ZNF831: variants seen among roughly 807,000 people sequenced by gnomAD.
The protein encoded by ZNF831 is zinc finger protein 831.
ZNF831 carries 59 observed loss-of-function variants against 95.8 expected under a neutral mutation model. The observed-to-expected ratio is 0.62, with a 90% CI of 0.50 to 0.77. The LOEUF is 0.77. Ranked by LOEUF, ZNF831 falls within the 30% of genes least tolerant of loss-of-function variation. ZNF831 has a pLI of 0.00. For synonymous variants in ZNF831, 961 were observed against 925.5 expected, an observed-to-expected ratio of 1.04 and a Z score of -0.70; for missense variants, 2,205 against 2,164.0, an observed-to-expected ratio of 1.02 and a Z score of -0.38.
chr20:59,219,198 A>G (rs259987), intron 4 of ZNF831, among the ~76,000 whole-genome samples: 12,933 of 152,124 alleles, frequency 0.085, 1,233 homozygotes, highest in African/African-American at 0.23. Flanking sequence ...TTGAAGCCCC[A>G]TGAGAGGAGA....
rs1398530461 is a variant in ZNF831, at chr20:59,191,939, C to G, written c.920C>G (p.Pro307Arg). The G allele has an allele frequency of 2.5e-6, 4 of 1,609,582 alleles. No individual in the cohort carries two copies. The highest frequency in any genetic ancestry group is 2.5e-6 in the Non-Finnish European group (3 of 1,178,670). The part of the protein sequence containing the change: ...PWRKLPEQKS[P>R]TAGKPCALQR... ...CGTAAGTTGCCAGAGCAGAAGTCGC[C>G]GACCGCCGGGAAGCCGTGCGCCCTG... The change falls in exon 2 of 6, where the codon CCG (proline) becomes CGG (arginine). Residue 307 changes from proline (P) to arginine (R), a missense_variant. Physicochemically the swap from Pro to Arg is moderately radical, Grantham distance 103. Coordinates refer to ENST00000371030, the MANE Select transcript of ZNF831 (RefSeq NM_178457.3).
At position 59,212,723 on chromosome 20, in the gene ZNF831, T is replaced by C. The variant is rs79853524; in HGVS notation, c.4027+5667T>C. 8.0e-3 allele frequency among the ~76,000 whole-genome samples: 1,211 copies of C among 152,288 alleles called. 14 individuals carry two copies. The highest frequency in any genetic ancestry group is 0.028 in the African/African-American group (1,158 of 41,550). On this transcript the variant is annotated intron_variant, in intron 4 of 5. Coordinates refer to ENST00000371030, the MANE Select transcript of ZNF831 (RefSeq NM_178457.3). ...TCTACCTTATAATCCAGATGTTCTT[T>C]ATGGAGCACTCCAGTCATAAGGTTG...
chr20:59,231,787 A>G (rs1174672477), intron 4 of ZNF831, among the ~76,000 whole-genome samples: 1 of 152,170 alleles, frequency 6.6e-6, no homozygotes, highest in African/African-American at 2.4e-5. Context: ...CAAGGCAGCT[A>G]TGGGTGCTGC....
At chr20:59,129,150 G>T (rs1387901136) in intron 1 of ZNF831, among the ~76,000 whole-genome samples, 1 of 152,204 alleles carries the variant, frequency 6.6e-6, no homozygotes, top group Admixed American at 6.5e-5. Flanking sequence ...TCTACTGATA[G>T]CACCTTATGG....
intron 1 of ZNF831, among the ~76,000 whole-genome samples, chr20:59,186,291 C>T (rs1983027994): frequency 6.6e-6 from 1 of 152,082 alleles, no homozygotes; most frequent in Non-Finnish European, 1.5e-5. Context: ...GAACCCACCC[C>T]GAGACAGCAT....
intron 4 of ZNF831, among the ~76,000 whole-genome samples, chr20:59,215,103 A>ACAAG (rs1397140957): frequency 1.3e-5 from 2 of 152,234 alleles, no homozygotes; most frequent in African/African-American, 4.8e-5. Flanking sequence ...TGTTCTATTT[A>ACAAG]CTCGAATGCT....
At chr20:59,187,092 G>A (rs113854179) in intron 1 of ZNF831, among the ~76,000 whole-genome samples, 15 of 152,202 alleles carry the variant, frequency 9.9e-5, no homozygotes, top group African/African-American at 1.7e-4. Context: ...GCCAGGAAGC[G>A]TTCCCACCAC....
intron 2 of ZNF831, among the ~76,000 whole-genome samples, chr20:59,147,885 C>T (rs965783292): frequency 6.6e-6 from 1 of 152,216 alleles, no homozygotes; most frequent in South Asian, 2.1e-4. Context: ...TGATTGTACG[C>T]ATGAAGCCTT....
chr20:59,196,107 T>G, intron 3 of ZNF831, 102 bp downstream of exon 3: 1 of 1,478,232 alleles, frequency 6.8e-7, no homozygotes, highest in Non-Finnish European at 9.1e-7. Context: ...AGTTCCTGTT[T>G]CCTAGGGTTT....
chr20:59,133,819 C>T (rs144852343), intron 1 of ZNF831, among the ~76,000 whole-genome samples: 128 of 152,312 alleles, frequency 8.4e-4, no homozygotes, highest in African/African-American at 3.0e-3. Flanking sequence ...CATGCCTCCC[C>T]CTGGCTCTCT....
At chr20:59,203,416 C>T (rs886535033) in intron 3 of ZNF831, among the ~76,000 whole-genome samples, 20 of 152,178 alleles carry the variant, frequency 1.3e-4, no homozygotes, top group Admixed American at 9.8e-4. Context: ...CTCCTGGCCT[C>T]AGTGGTCTTC....
chr20:59,237,167 T>C (rs1987042425), intron 4 of ZNF831, among the ~76,000 whole-genome samples: 2 of 152,174 alleles, frequency 1.3e-5, no homozygotes, highest in Admixed American at 1.3e-4. Context: ...TAGGGGGCCA[T>C]TTGGGGAAGA....
At position 59,191,978 on chromosome 20, in the gene ZNF831, C is replaced by G. The variant is rs765482514; in HGVS notation, c.959C>G (p.Ala320Gly). Reference sequence around the variant, plus strand: ...CCGTGCGCCCTGCAGCGGCAGCAGGCGACGGCAGCGGAGAAGCCCTGGGAT... The same window carrying G: ...CCGTGCGCCCTGCAGCGGCAGCAGGGGACGGCAGCGGAGAAGCCCTGGGAT... ...GKPCALQRQQ[A>G]TAAEKPWDAK... Residue 320 changes from alanine (A) to glycine (G), a missense_variant, in exon 2 of 6, where the codon GCG becomes GGG. By Grantham distance (60) the Ala-to-Gly change is moderately conservative. Coordinates refer to ENST00000371030, the MANE Select transcript of ZNF831 (RefSeq NM_178457.3). 1.9e-6 allele frequency: 3 copies of G among 1,605,964 alleles called. No individual in the cohort carries two copies. Among genetic ancestry groups the G allele is most frequent in the Admixed American group, 1.7e-5 (1 of 59,326 alleles).
intron 4 of ZNF831, among the ~76,000 whole-genome samples, chr20:59,222,424 C>A (rs1028253408): frequency 6.6e-6 from 1 of 152,110 alleles, no homozygotes; most frequent in Admixed American, 6.5e-5. Context: ...CGGGCCCCCT[C>A]CGCCCCCGCC....
At chr20:59,235,699 C>T (rs112973153) in intron 4 of ZNF831, among the ~76,000 whole-genome samples, 2,273 of 152,114 alleles carry the variant, frequency 0.015, 36 homozygotes, top group Middle Eastern at 0.068. Context: ...AAAAAAGAAC[C>T]GTAGGGTAGA....
chr20:59,241,774 C>T (rs1987351906), intron 4 of ZNF831, among the ~76,000 whole-genome samples: 1 of 152,092 alleles, frequency 6.6e-6, no homozygotes, highest in Non-Finnish European at 1.5e-5. Flanking sequence ...TTGACTGTTC[C>T]TTTAGTATTG....
chr20:59,251,876 A>G (rs1264723687), intron 4 of ZNF831, among the ~76,000 whole-genome samples: 3 of 152,236 alleles, frequency 2.0e-5, no homozygotes, highest in Non-Finnish European at 4.4e-5. Flanking sequence ...ATACTACAAG[A>G]TTCAGTGCTG....
At chr20:59,243,488 G>A (rs969381276) in intron 4 of ZNF831, among the ~76,000 whole-genome samples, 11 of 152,134 alleles carry the variant, frequency 7.2e-5, no homozygotes, top group African/African-American at 2.7e-4. Flanking sequence ...GTAGACAGAG[G>A]GAGGTGGGAG....
intron 1 of ZNF831, among the ~76,000 whole-genome samples, chr20:59,124,572 G>C (rs935928305): frequency 6.6e-6 from 1 of 152,072 alleles, no homozygotes; most frequent in East Asian, 1.9e-4. Flanking sequence ...CTGTGCAGTG[G>C]GGCCAGACGC....
Sources: allele counts gnomAD v4.1 joint callset (sites outside exome capture counted in the v4.1 genomes callset), GRCh38; gene constraint gnomAD v4.1.1; transcripts MANE v1.5; gene names NCBI Gene and HGNC (gene_info 2026-07-23, HGNC 2026-07-21).